BTBD8: variants seen among roughly 807,000 people sequenced by gnomAD.
BTBD8 encodes the protein BTB domain containing 8.
BTBD8 carries 110 observed loss-of-function variants against 162.9 expected under a neutral mutation model. The ratio of observed to expected loss-of-function variants is 0.68; its 90% CI spans 0.58 to 0.79. The LOEUF is 0.79. BTBD8 is among the 30% of genes least tolerant of loss of function. BTBD8 has a pLI of 0.00. For synonymous variants in BTBD8, 667 were observed against 716.1 expected, an observed-to-expected ratio of 0.93 and a Z score of 1.10; for missense variants, 1,905 against 2,085.4, an observed-to-expected ratio of 0.91 and a Z score of 1.68.
At chr1:92,173,400 C>A (rs1461562579) in intron 13 of BTBD8, among the ~76,000 whole-genome samples, 1 of 152,180 alleles carries the variant, frequency 6.6e-6, no homozygotes, top group African/African-American at 2.4e-5. Flanking sequence ...ACAGAACATA[C>A]TCTAGGAAAT....
At chr1:92,168,527 T>C (rs566353805) in intron 11 of BTBD8, among the ~76,000 whole-genome samples, 99 of 152,328 alleles carry the variant, frequency 6.5e-4, no homozygotes, top group African/African-American at 2.2e-3. Context: ...TCGACAAGAA[T>C]GGTTTTTAAA....
rs1021737454 is a variant in BTBD8 at position 92,102,581 on chromosome 1, A to T, written c.456A>T (p.Pro152=). ...ISQKQLDISF[P]KCENSSDCSL... is the part of the protein sequence containing the mutation. ...AAAAGCAACTTGACATCAGTTTTCC[A>T]AAGTGTGAAAACTCATCTGATTGTT... Residue 152 remains proline, a synonymous_variant, in exon 3 of 18, where the codon CCA becomes CCT. Transcript: ENST00000636805. 2 of 1,599,506 alleles carry T rather than the reference A, an allele frequency of 1.3e-6. No individual in the cohort carries two copies. Among genetic ancestry groups the T allele is most frequent in the African/African-American group, 2.7e-5 (2 of 74,464 alleles).
At chr1:92,084,816 A>G (rs1557434450) in intron 1 of BTBD8, among the ~76,000 whole-genome samples, 1 of 152,184 alleles carries the variant, frequency 6.6e-6, no homozygotes, top group African/African-American at 2.4e-5. Context: ...ACTGTAGGGT[A>G]CAGTTAAGCT....
intron 5 of BTBD8, among the ~76,000 whole-genome samples, chr1:92,136,515 G>C (rs767904521): frequency 5.7e-4 from 86 of 152,090 alleles, no homozygotes; most frequent in Non-Finnish European, 4.6e-4. Context: ...CCAGTATTAC[G>C]TGGGGAAAGG....
intron 5 of BTBD8, among the ~76,000 whole-genome samples, chr1:92,132,282 G>A (rs1015445104): frequency 8.0e-5 from 12 of 150,316 alleles, no homozygotes; most frequent in Admixed American, 4.6e-4. Context: ...TGACCTCTGA[G>A]TTTAGCTATA....
intron 6 of BTBD8, among the ~76,000 whole-genome samples, chr1:92,140,650 G>T (rs754461652): frequency 6.6e-6 from 1 of 152,094 alleles, no homozygotes; most frequent in Non-Finnish European, 1.5e-5. Flanking sequence ...CTTGCCAAAT[G>T]AAAGAAGCAA....
rs1025781602 is a variant in BTBD8 at position 92,151,034 on chromosome 1, T to C, written c.1122+3248T>C. On this transcript the variant is annotated intron_variant, in intron 9 of 17. Coordinates refer to ENST00000636805, the MANE Select transcript of BTBD8 (RefSeq NM_001376131.1). ...TAACTGAGAAAATAAGTGTAAGATATCAGCTGGTGAGATACCACTACAAAA... is the reference window on the plus strand; with the variant it reads ...TAACTGAGAAAATAAGTGTAAGATACCAGCTGGTGAGATACCACTACAAAA... 1.2e-4 allele frequency among the ~76,000 whole-genome samples: 18 copies of C among 152,064 alleles called. 1 individual carries two copies. Among genetic ancestry groups the C allele is most frequent in the African/African-American group, 4.1e-4 (17 of 41,422 alleles).
At chr1:92,170,623 TAAA>T (rs1317443074) in intron 12 of BTBD8, among the ~76,000 whole-genome samples, 1 of 152,148 alleles carries the variant, frequency 6.6e-6, no homozygotes, top group Non-Finnish European at 1.5e-5. Flanking sequence ...GCTGATTTAA[TAAA>T]AATCAAATAA....
At chr1:92,130,519 AAT>A (rs1207951505) in intron 5 of BTBD8, among the ~76,000 whole-genome samples, 5 of 67,200 alleles carry the variant, frequency 7.4e-5, no homozygotes, top group African/African-American at 1.9e-4. Flanking sequence ...TCTCAAAAAA[AAT>A]ATATATATAT....
intron 9 of BTBD8, among the ~76,000 whole-genome samples, chr1:92,164,819 G>A (rs1418757252): frequency 6.6e-6 from 1 of 150,688 alleles, no homozygotes; most frequent in Non-Finnish European, 1.5e-5. Flanking sequence ...CCGCCACCAC[G>A]CCCAGCTAAT....
chr1:92,130,748 G>T (rs1649497665), intron 5 of BTBD8, among the ~76,000 whole-genome samples: 1 of 152,044 alleles, frequency 6.6e-6, no homozygotes, highest in African/African-American at 2.4e-5. Context: ...ACCCAGGCTG[G>T]AGTCAAGTGG....
At chr1:92,127,086 T>A (rs1649379249) in intron 4 of BTBD8, among the ~76,000 whole-genome samples, 1 of 152,196 alleles carries the variant, frequency 6.6e-6, no homozygotes, top group Non-Finnish European at 1.5e-5. Context: ...ATTTGCCTGG[T>A]TTTGTTTATA....
intron 12 of BTBD8, among the ~76,000 whole-genome samples, chr1:92,169,567 A>T (rs965569158): frequency 1.1e-4 from 16 of 151,898 alleles, no homozygotes; most frequent in African/African-American, 3.6e-4. Context: ...TGCTCAGAAC[A>T]TGTGTTTAAA....
chr1:92,118,494 A>C (rs1260397874), intron 4 of BTBD8, among the ~76,000 whole-genome samples: 1 of 151,700 alleles, frequency 6.6e-6, no homozygotes, highest in African/African-American at 2.4e-5. Context: ...TGTTTATGTT[A>C]ACCTTGATGA....
chr1:92,181,520 G>A lies in BTBD8; in HGVS notation c.3837G>A (p.Gly1279=). 1 of 1,551,716 alleles carries A rather than the reference G, an allele frequency of 6.4e-7. No individual in the cohort carries two copies. The highest frequency in any genetic ancestry group is 1.2e-5 in the South Asian group (1 of 84,058). The part of the protein sequence containing the change: ...YDAGGSQDDD[G]SNDRGISKCG... ...CTGGAGGGTCTCAGGATGATGATGG[G>A]TCAAATGACAGAGGTATCTCTAAAT... The change falls in exon 17 of 18, where the codon GGG becomes GGA. Residue 1279 remains glycine (G), a synonymous_variant. Coordinates refer to ENST00000636805, the MANE Select transcript of BTBD8 (RefSeq NM_001376131.1).
intron 5 of BTBD8, among the ~76,000 whole-genome samples, chr1:92,132,739 C>G (rs541180794): frequency 6.6e-6 from 1 of 152,322 alleles, no homozygotes; most frequent in South Asian, 2.1e-4. Flanking sequence ...CTCACTGGTT[C>G]ATTTTACCTA....
intron 2 of BTBD8, among the ~76,000 whole-genome samples, chr1:92,093,240 T>C (rs1343554482): frequency 6.7e-6 from 1 of 149,698 alleles, no homozygotes; most frequent in African/African-American, 2.5e-5. Flanking sequence ...TTGCCTAGGT[T>C]GGAGTGCAAT....
rs367713329 is a variant in BTBD8 at position 92,130,981 on chromosome 1, GGCGTGA to G, written c.752+1208_752+1213del. On this transcript the variant is annotated intron_variant, in intron 5 of 17. Coordinates refer to ENST00000636805, the MANE Select transcript of BTBD8 (RefSeq NM_001376131.1). ...GGCATCCCAAAGTGTTGGGATTACA[GGCGTGA>G]GCTACTGCGCTTGGCCTACGTTCAA... is the stretch of plus-strand genomic sequence containing the variant. 1.8e-3 allele frequency among the ~76,000 whole-genome samples: 268 copies of G among 152,326 alleles called. 3 individuals are homozygous for G. The highest frequency in any genetic ancestry group is 5.9e-3 in the African/African-American group (245 of 41,566).
intron 4 of BTBD8, among the ~76,000 whole-genome samples, chr1:92,116,090 C>G (rs1212312504): frequency 6.6e-6 from 1 of 151,926 alleles, no homozygotes; most frequent in African/African-American, 2.4e-5. Flanking sequence ...CTTTTGATTT[C>G]TTCTTTACCC....
Sources: allele counts gnomAD v4.1 joint callset (sites outside exome capture counted in the v4.1 genomes callset), GRCh38; gene constraint gnomAD v4.1.1; transcripts MANE v1.5; gene names NCBI Gene and HGNC (gene_info 2026-07-23, HGNC 2026-07-21).